Variants in CCDC138 observed in about 807,000 individuals in gnomAD.
CCDC138 encodes the protein coiled-coil domain-containing protein 138.
CCDC138 carries 66 observed loss-of-function variants against 82.3 expected under a neutral mutation model. That is an observed-to-expected ratio of 0.80 (90% CI 0.66 to 0.98). The LOEUF (loss-of-function observed/expected upper bound fraction) is 0.98, where lower values mean the gene tolerates loss of function less well. Ranked by LOEUF, CCDC138 falls within the 50% of genes least tolerant of loss-of-function variation. CCDC138 has a pLI of 0.00. For synonymous variants in CCDC138, 297 were observed against 265.4 expected, an observed-to-expected ratio of 1.12 and a Z score of -1.16; for missense variants, 816 against 758.9, an observed-to-expected ratio of 1.08 and a Z score of -0.88.
chr2:108,817,131 C>T (rs1048844618), intron 10 of CCDC138, among the ~76,000 whole-genome samples: 26 of 152,102 alleles, frequency 1.7e-4, no homozygotes, highest in Admixed American at 1.1e-3. Context: ...ATCAGCTGAC[C>T]TTAAAATAGG....
intron 12 of CCDC138, among the ~76,000 whole-genome samples, chr2:108,855,715 G>T (rs997337991): frequency 1.3e-5 from 2 of 152,126 alleles, no homozygotes; most frequent in Admixed American, 6.5e-5. Flanking sequence ...AGTTTCATAT[G>T]TATTTTCACT....
Position 108,853,890 on chromosome 2 carries a change from A to AT in CCDC138, c.1517-2904_1517-2903insT, listed in dbSNP as rs1558737016. ...ATATATACTATATAATATATTATAT[A>AT]GTATATATATTATATATTATATAGT... On this transcript the variant is annotated intron_variant, in intron 12 of 14. Coordinates refer to ENST00000295124, the MANE Select transcript of CCDC138 (RefSeq NM_144978.3). Among the ~76,000 whole-genome samples, 38 of 123,880 alleles carry AT rather than the reference A, an allele frequency of 3.1e-4. 1 individual carries two copies. The highest frequency in any genetic ancestry group is 1.2e-3 in the African/African-American group (37 of 31,238). 81.3% of individuals were successfully genotyped at this position (123,880 alleles called of 152,430 possible).
At chr2:108,854,759 A>G (rs1455591992) in intron 12 of CCDC138, among the ~76,000 whole-genome samples, 2 of 152,222 alleles carry the variant, frequency 1.3e-5, no homozygotes, top group Admixed American at 1.3e-4. Context: ...GGGCCTGTTT[A>G]TAGGTGAAGA....
At chr2:108,858,202 G>A (rs1315874858) in intron 13 of CCDC138, among the ~76,000 whole-genome samples, 1 of 152,092 alleles carries the variant, frequency 6.6e-6, no homozygotes, top group African/African-American at 2.4e-5. Context: ...AAATTAGCCG[G>A]GCATGGTGGT....
intron 1 of CCDC138, chr2:108,882,413 C>T (rs1281801643): frequency 6.6e-6 from 1 of 152,146 alleles, no homozygotes; most frequent in Non-Finnish European, 1.5e-5. Flanking sequence ...GCAGAGCTCA[C>T]ACCCTTCTGA....
At chr2:108,877,328 C>T (rs556671686), downstream of CCDC138, among the ~76,000 whole-genome samples, 4 of 151,432 alleles carry the variant, frequency 2.6e-5, no homozygotes, top group Admixed American at 6.6e-5. Flanking sequence ...ATTAGCCAGG[C>T]GGTGATGGGC....
At chr2:108,814,199 A>G (rs1026152335) in intron 9 of CCDC138, among the ~76,000 whole-genome samples, 1 of 152,172 alleles carries the variant, frequency 6.6e-6, no homozygotes, top group East Asian at 1.9e-4. Flanking sequence ...TGTTTTGTGT[A>G]CAAATGGGAG....
intron 9 of CCDC138, among the ~76,000 whole-genome samples, chr2:108,813,286 A>G (rs942095591): frequency 1.4e-5 from 2 of 146,930 alleles, no homozygotes; most frequent in Non-Finnish European, 3.0e-5. Context: ...AATTTCTCCA[A>G]TGGAAAGCCA....
At chr2:108,805,165 G>T (rs4536612) in intron 7 of CCDC138, among the ~76,000 whole-genome samples, 157 bp downstream of exon 7, 1 of 151,998 alleles carries the variant, frequency 6.6e-6, no homozygotes, top group African/African-American at 2.4e-5. Flanking sequence ...TGTAAATAAA[G>T]TATTCTTTAG....
chr2:108,791,942 G>A, intron 4 of CCDC138, 140 bp downstream of exon 4: 1 of 843,428 alleles, frequency 1.2e-6, no homozygotes, highest in East Asian at 3.0e-5. Flanking sequence ...CTAGGAGATA[G>A]TTACTGTGCT....
intron 10 of CCDC138, among the ~76,000 whole-genome samples, chr2:108,837,532 T>A (rs1688777404): frequency 6.6e-6 from 1 of 152,182 alleles, no homozygotes; most frequent in Admixed American, 6.5e-5. Context: ...AAACAGATTA[T>A]AATGGAGCTG....
At chr2:108,864,491 A>G (rs1305336877) in intron 13 of CCDC138, among the ~76,000 whole-genome samples, 1 of 151,452 alleles carries the variant, frequency 6.6e-6, no homozygotes, top group African/African-American at 2.4e-5. Flanking sequence ...AGTAAGGCCC[A>G]TCTCTACAAA....
At chr2:108,818,035 G>A (rs1447555631) in intron 10 of CCDC138, among the ~76,000 whole-genome samples, 1 of 152,186 alleles carries the variant, frequency 6.6e-6, no homozygotes, top group Non-Finnish European at 1.5e-5. Flanking sequence ...GCTGGGCACG[G>A]TGGCTCATAC....
At chr2:108,790,098 C>G (rs142268040) in intron 3 of CCDC138, among the ~76,000 whole-genome samples, 5 of 152,122 alleles carry the variant, frequency 3.3e-5, no homozygotes, top group African/African-American at 1.2e-4. Context: ...ATCTGTGTAA[C>G]ACACTTTGAA....
chr2:108,832,521 A>G (rs1687879620), intron 10 of CCDC138, among the ~76,000 whole-genome samples: 1 of 150,198 alleles, frequency 6.7e-6, no homozygotes, highest in Admixed American at 6.6e-5. Context: ...CTAATTTTGT[A>G]TTTTTAGTAG....
chr2:108,798,961 T>C (rs1558978134), intron 6 of CCDC138, among the ~76,000 whole-genome samples: 1 of 152,054 alleles, frequency 6.6e-6, no homozygotes, highest in Non-Finnish European at 1.5e-5. Flanking sequence ...CATTAGCGCA[T>C]ATCAGGAAAT....
intron 6 of CCDC138, among the ~76,000 whole-genome samples, chr2:108,803,738 A>G (rs943702789): frequency 6.6e-6 from 1 of 152,152 alleles, no homozygotes; most frequent in African/African-American, 2.4e-5. Flanking sequence ...TCCCATCACA[A>G]TGTCCTCCCC....
At chr2:108,853,975 TAATATATAATATATAATAAATTTATATTA>T (rs1692087333) in intron 12 of CCDC138, among the ~76,000 whole-genome samples, 1 of 98,350 alleles carries the variant, frequency 1.0e-5, no homozygotes, top group Non-Finnish European at 2.0e-5. Flanking sequence ...AAAATATATA[TAATATATAATATATAATAAATTTATATTA>T]TATATAATAT....
intron 13 of CCDC138, among the ~76,000 whole-genome samples, chr2:108,867,740 C>T (rs1322514075): frequency 3.3e-5 from 5 of 152,068 alleles, no homozygotes; most frequent in Admixed American, 3.3e-4. Flanking sequence ...ATTTCTTTAG[C>T]CTTATCCAGT....
Sources: gnomAD v4.1 joint callset for allele counts (sites outside exome capture counted in the v4.1 genomes callset) on GRCh38, gnomAD v4.1.1 for gene constraint, MANE v1.5 for transcripts, NCBI Gene and HGNC (gene_info 2026-07-23, HGNC 2026-07-21) for gene names.